Variants in GNAI1 observed in about 807,000 individuals in gnomAD.
GNAI1 encodes G protein subunit alpha i1.
A neutral mutation model predicts 38.9 loss-of-function variants in GNAI1; 11 were observed. That is an observed-to-expected ratio of 0.28 (90% CI 0.18 to 0.47). The LOEUF is 0.47. Ranked by LOEUF, GNAI1 falls within the 20% of genes least tolerant of loss-of-function variation. The pLI, the probability that GNAI1 is intolerant of heterozygous loss-of-function variation, is 0.99. For missense variants in GNAI1, 317 were observed against 436.9 expected (o/e 0.73, Z 2.45); for synonymous variants, 166 against 145.1 (o/e 1.14, Z -1.04).
At chr7:80,199,618 G>A (rs997571692) in intron 4 of GNAI1, among the ~76,000 whole-genome samples, 1 of 152,082 alleles carries the variant, frequency 6.6e-6, no homozygotes, top group Non-Finnish European at 1.5e-5. Flanking sequence ...AACTCTAATT[G>A]AAACATGGAG....
At chr7:80,170,369 A>C (rs1788081288) in intron 1 of GNAI1, among the ~76,000 whole-genome samples, 1 of 151,998 alleles carries the variant, frequency 6.6e-6, no homozygotes, top group Non-Finnish European at 1.5e-5. Context: ...TGTGGTTTTG[A>C]TTTCCATTTC....
chr7:80,204,408 G>A (rs774831985), intron 5 of GNAI1, among the ~76,000 whole-genome samples: 5 of 152,056 alleles, frequency 3.3e-5, no homozygotes, highest in African/African-American at 1.2e-4. Context: ...GAAATGCAAG[G>A]GGTCTTGGAG....
In GNAI1 at chr7:80,225,746, T is replaced by C. The variant is rs1195336716; in HGVS notation, c.*8253T>C. On this transcript the variant is annotated 3_prime_UTR_variant, in exon 8 of 8. Transcript: ENST00000649796. ...CTCTTTAACAGTCAATAAAATCATATCTACTAATCAATACATTTGAAGTTT... is the reference window on the plus strand; with the variant it reads ...CTCTTTAACAGTCAATAAAATCATACCTACTAATCAATACATTTGAAGTTT... Among the ~76,000 whole-genome samples the C allele has an allele frequency of 6.6e-6, 1 of 152,194 alleles. No homozygotes were observed. Among genetic ancestry groups the C allele is most frequent in the African/African-American group, 2.4e-5 (1 of 41,448 alleles).
At position 80,222,857 on chromosome 7, in the gene GNAI1, C is replaced by G. The variant is rs182021430; in HGVS notation, c.*5364C>G. On this transcript the variant is annotated 3_prime_UTR_variant, in exon 8 of 8. Transcript: ENST00000649796. ...CGTGGGTTAAGTCCTGAAAAGCCCA[C>G]TGTAAGTTGATAATACCTTATTTTG... is the stretch of plus-strand genomic sequence containing the variant. Among the ~76,000 whole-genome samples, 1 of 152,128 alleles carries G rather than the reference C, an allele frequency of 6.6e-6. No individual in the cohort carries two copies. Among genetic ancestry groups the G allele is most frequent in the Non-Finnish European group, 1.5e-5 (1 of 68,028 alleles).
chr7:80,187,255 A>G, intron 1 of GNAI1: 1 of 136,478 alleles, frequency 7.3e-6, no homozygotes, highest in Non-Finnish European at 1.6e-5. Context: ...GTGTGTCTGG[A>G]GAGGGAAAGA....
At position 80,207,116 on chromosome 7, in the gene GNAI1, G is replaced by A. The variant is rs529573880; in HGVS notation, c.590+3284G>A. 2.6e-5 allele frequency among the ~76,000 whole-genome samples: 4 copies of A among 152,190 alleles called. No homozygotes were observed. In the South Asian group the frequency reaches 8.3e-4, roughly 31 times the overall value. On this transcript the variant is annotated intron_variant, in intron 5 of 7. Transcript: ENST00000649796. ...GTAAACTTGGTTAAGTTTCTTAACAGGCTATTACAGTTTTGCTCTGTGTTA... is the reference window on the plus strand; with the variant it reads ...GTAAACTTGGTTAAGTTTCTTAACAAGCTATTACAGTTTTGCTCTGTGTTA...
chr7:80,184,188 A>G (rs1788349603), intron 1 of GNAI1, among the ~76,000 whole-genome samples: 1 of 152,164 alleles, frequency 6.6e-6, no homozygotes, highest in South Asian at 2.1e-4. Context: ...CGAGGGGCAT[A>G]AGGTAGGGAG....
At chr7:80,148,080 A>G (rs1787659314) in intron 1 of GNAI1, among the ~76,000 whole-genome samples, 1 of 152,006 alleles carries the variant, frequency 6.6e-6, no homozygotes, top group Non-Finnish European at 1.5e-5. Context: ...TCTTTCTCTC[A>G]TTTGTCTTGA....
chr7:80,223,613 G>A lies in GNAI1; in HGVS notation c.*6120G>A, dbSNP rs551791067. Among the ~76,000 whole-genome samples, 1 of 152,260 alleles carries A rather than the reference G, an allele frequency of 6.6e-6. No homozygotes were observed. Among genetic ancestry groups the A allele is most frequent in the South Asian group, 2.1e-4 (1 of 4,818 alleles). ...TGAGGTATCAATTTTGTAGCTTGTGGAATGCGGACTATCCCAGCAGCAAAT... is the reference window on the plus strand; with the variant it reads ...TGAGGTATCAATTTTGTAGCTTGTGAAATGCGGACTATCCCAGCAGCAAAT... On this transcript the variant is annotated 3_prime_UTR_variant, in exon 8 of 8. Coordinates refer to ENST00000649796, the MANE Select transcript of GNAI1 (RefSeq NM_002069.6).
intron 3 of GNAI1, among the ~76,000 whole-genome samples, chr7:80,195,420 G>C (rs1035747002): frequency 7.3e-5 from 11 of 151,434 alleles, no homozygotes; most frequent in African/African-American, 2.2e-4. Flanking sequence ...TTTTTACTTT[G>C]ATTATATTTC....
intron 1 of GNAI1, among the ~76,000 whole-genome samples, chr7:80,140,300 C>A (rs935743769): frequency 2.1e-4 from 32 of 152,110 alleles, no homozygotes; most frequent in Non-Finnish European, 3.7e-4. Context: ...ATTTCTAATG[C>A]ATAAAAAGTA....
chr7:80,200,277 G>A (rs1316978524), intron 4 of GNAI1, among the ~76,000 whole-genome samples: 3 of 126,868 alleles, frequency 2.4e-5, no homozygotes, highest in African/African-American at 9.5e-5. Context: ...AGTGAGCCAT[G>A]CTCGTACCAC....
intron 1 of GNAI1, among the ~76,000 whole-genome samples, chr7:80,136,274 G>T (rs1335186700): frequency 6.6e-6 from 1 of 152,102 alleles, no homozygotes; most frequent in East Asian, 1.9e-4. Context: ...TCACACTCTA[G>T]GTATTTAGAT....
chr7:80,178,317 G>A (rs556623278), intron 1 of GNAI1, among the ~76,000 whole-genome samples: 1 of 152,230 alleles, frequency 6.6e-6, no homozygotes. Flanking sequence ...AAACTTAGTT[G>A]ATAAAGCAGT....
Position 80,221,476 on chromosome 7 carries a change from ACT to A in GNAI1, c.*3987_*3988del, listed in dbSNP as rs911246796. On this transcript the variant is annotated 3_prime_UTR_variant, in exon 8 of 8. Coordinates refer to ENST00000649796, the MANE Select transcript of GNAI1 (RefSeq NM_002069.6). ...TTGAATGAAATGCCTCAAAAACAAA[ACT>A]CTCATAATTCGTTTTCATAATGAAA... Among the ~76,000 whole-genome samples, 1 of 151,910 alleles carries A rather than the reference ACT, an allele frequency of 6.6e-6. No individual in the cohort carries two copies. Among genetic ancestry groups the A allele is most frequent in the Non-Finnish European group, 1.5e-5 (1 of 67,966 alleles).
intron 1 of GNAI1, among the ~76,000 whole-genome samples, chr7:80,171,537 T>A (rs1043700438): frequency 5.9e-5 from 9 of 152,220 alleles, no homozygotes; most frequent in African/African-American, 2.2e-4. Context: ...TATTGATGTT[T>A]ATTTTAATTT....
chr7:80,186,004 T>C (rs1788380038), intron 1 of GNAI1, among the ~76,000 whole-genome samples: 1 of 147,914 alleles, frequency 6.8e-6, no homozygotes, highest in Non-Finnish European at 1.5e-5. Context: ...ATCCAGTTAA[T>C]AAGACTGCCA....
rs538465804 is a variant in GNAI1, at chr7:80,223,817, C to T, written c.*6324C>T. ...TAACTTTTTTGCAGACTTGAGCATA[C>T]GTTTAAACCATTTAACCATTCTTGA... On this transcript the variant is annotated 3_prime_UTR_variant, in exon 8 of 8. Transcript: ENST00000649796. Among the ~76,000 whole-genome samples the T allele has an allele frequency of 2.6e-4, 39 of 152,254 alleles. No homozygotes were observed. In the South Asian group the frequency reaches 7.5e-3, roughly 29 times the overall value.
chr7:80,152,475 A>G (rs1787744404), intron 1 of GNAI1, among the ~76,000 whole-genome samples: 1 of 152,094 alleles, frequency 6.6e-6, no homozygotes, highest in African/African-American at 2.4e-5. Flanking sequence ...ATCCATTGAA[A>G]TAGGTCGATG....
Sources: allele counts gnomAD v4.1 joint callset (sites outside exome capture counted in the v4.1 genomes callset), GRCh38; gene constraint gnomAD v4.1.1; transcripts MANE v1.5; gene names NCBI Gene and HGNC (gene_info 2026-07-23, HGNC 2026-07-21).